The following NFATC3 variants were observed in gnomAD, a reference collection of about 807,000 sequenced individuals.
The protein encoded by NFATC3 is nuclear factor of activated T-cells, cytoplasmic 3.
In NFATC3, 46 loss-of-function variants were observed where a neutral mutation model predicts 98.6. The ratio of observed to expected loss-of-function variants is 0.47; its 90% CI spans 0.37 to 0.60. The LOEUF (loss-of-function observed/expected upper bound fraction) is 0.60, where lower values mean the gene tolerates loss of function less well. Ranked by LOEUF, NFATC3 falls within the 20% of genes least tolerant of loss-of-function variation. The probability of loss-of-function intolerance (pLI) is 0.00; values close to 1 mark genes in which losing one functional copy is unlikely to be tolerated. For missense variants in NFATC3, 1,256 were observed against 1,295.5 expected (o/e 0.97, Z 0.47); for synonymous variants, 512 against 472.2 (o/e 1.08, Z -1.09).
rs1021897922 is a variant in NFATC3, at chr16:68,168,574, C to T, written c.1774+1559C>T. 5.3e-5 allele frequency among the ~76,000 whole-genome samples: 8 copies of T among 152,250 alleles called. No individual in the cohort carries two copies. The South Asian group carries it at 8.3e-4, about 16-fold the overall frequency. On this transcript the variant is annotated intron_variant, in intron 5 of 9. Coordinates refer to ENST00000346183, the MANE Select transcript of NFATC3 (RefSeq NM_173165.3). ...GATCTTGGCTCACTGCAACCTCCAC[C>T]TCCCATGTTCAAGTGATTCTCCTGC...
chr16:68,155,992 T>C (rs1435441863), intron 3 of NFATC3, among the ~76,000 whole-genome samples: 1 of 152,130 alleles, frequency 6.6e-6, no homozygotes, highest in African/African-American at 2.4e-5. Flanking sequence ...TGGAGGACTT[T>C]CATTAGGGCA....
chr16:68,130,757 A>G (rs2037073456), intron 3 of NFATC3, among the ~76,000 whole-genome samples: 1 of 152,028 alleles, frequency 6.6e-6, no homozygotes, highest in Non-Finnish European at 1.5e-5. Context: ...GTTTTCTTCT[A>G]GTAGTTTTTT....
intron 9 of NFATC3, among the ~76,000 whole-genome samples, chr16:68,215,742 T>TTG (rs1333092247): frequency 1.3e-5 from 2 of 148,252 alleles, no homozygotes; most frequent in East Asian, 3.9e-4. Flanking sequence ...TTTTTTTTTT[T>TTG]TTTGAGATGG....
At chr16:68,116,958 T>C (rs2036310438) in intron 1 of NFATC3, among the ~76,000 whole-genome samples, 1 of 152,242 alleles carries the variant, frequency 6.6e-6, no homozygotes, top group Non-Finnish European at 1.5e-5. Context: ...TTCAAGGTGC[T>C]ATATATACCC....
At position 68,157,971 on chromosome 16, in the gene NFATC3, A is replaced by G; in HGVS notation, c.1504A>G (p.Thr502Ala). 1 of 1,614,030 alleles carries G rather than the reference A, an allele frequency of 6.2e-7. No individual in the cohort carries two copies. Among genetic ancestry groups the G allele is most frequent in the Non-Finnish European group, 8.5e-7 (1 of 1,179,948 alleles). Residue 502 changes from threonine to alanine, a missense_variant, in exon 4 of 10, where the codon ACT (threonine) becomes GCT (alanine). Physicochemically the swap from Thr to Ala is moderately conservative, Grantham distance 58 (BLOSUM62 0). Transcript: ENST00000346183. ...TGCATTTTACCAGGTGCATCGAATC[A>G]CTGGGAAGACAGTCGCTACTGCAAG... ...PHAFYQVHRI[T>A]GKTVATASQE...
At chr16:68,151,974 C>T (rs949117700) in intron 3 of NFATC3, among the ~76,000 whole-genome samples, 38 of 150,358 alleles carry the variant, frequency 2.5e-4, no homozygotes, top group Non-Finnish European at 7.4e-5. Context: ...AAGGCTGAGG[C>T]AGGAGAATCA....
intron 8 of NFATC3, among the ~76,000 whole-genome samples, chr16:68,188,441 A>C (rs2040306394): frequency 6.6e-6 from 1 of 152,178 alleles, no homozygotes; most frequent in Non-Finnish European, 1.5e-5. Context: ...CCAATTCAGA[A>C]GGTGGCGGGG....
chr16:68,191,967 G>A (rs2040425895), intron 9 of NFATC3, 192 bp downstream of exon 9: 1 of 587,242 alleles, frequency 1.7e-6, no homozygotes, highest in Non-Finnish European at 2.9e-6. Context: ...CCAGCACTTT[G>A]GAAGGCTGAG....
intron 1 of NFATC3, among the ~76,000 whole-genome samples, chr16:68,112,682 C>T (rs1331690763): frequency 6.7e-4 from 77 of 114,600 alleles, no homozygotes; most frequent in African/African-American, 2.3e-3. Flanking sequence ...GACGGAGTCT[C>T]GCTCTGTCGC....
chr16:68,160,379 C>T (rs1020335548), intron 4 of NFATC3, among the ~76,000 whole-genome samples: 19 of 151,990 alleles, frequency 1.3e-4, no homozygotes, highest in Non-Finnish European at 2.5e-4. Flanking sequence ...GCTTGAGAAT[C>T]GCTTGAATCC....
chr16:68,203,549 C>G (rs2041016261), intron 9 of NFATC3, among the ~76,000 whole-genome samples: 1 of 151,986 alleles, frequency 6.6e-6, no homozygotes, highest in African/African-American at 2.4e-5. Flanking sequence ...GGGAGGATCG[C>G]TGGAGCCTGG....
At chr16:68,148,740 G>A (rs993025948) in intron 3 of NFATC3, among the ~76,000 whole-genome samples, 32 of 152,238 alleles carry the variant, frequency 2.1e-4, no homozygotes, top group Non-Finnish European at 2.2e-4. Context: ...GGGCACGGTG[G>A]TTCACACCTG....
At chr16:68,152,928 T>G (rs2038414565) in intron 3 of NFATC3, among the ~76,000 whole-genome samples, 1 of 152,164 alleles carries the variant, frequency 6.6e-6, no homozygotes, top group Admixed American at 6.5e-5. Context: ...CAGGGCAGTA[T>G]AAATCACAGT....
rs145940352 is a variant in NFATC3 at position 68,124,755 on chromosome 16, G to A, written c.1238+1634G>A. On this transcript the variant is annotated intron_variant, in intron 2 of 9. Coordinates refer to ENST00000346183, the MANE Select transcript of NFATC3 (RefSeq NM_173165.3). ...CCCGGCCTTCTCTTTTTTTTGAGAC[G>A]GAATCTCACTGTCGCCCAGGCTCAA... Among the ~76,000 whole-genome samples, 408 of 147,744 alleles carry A rather than the reference G, an allele frequency of 2.8e-3. 3 individuals are homozygous for A. The highest frequency in any genetic ancestry group is 3.2e-3 in the Non-Finnish European group (215 of 67,108).
intron 8 of NFATC3, among the ~76,000 whole-genome samples, chr16:68,188,091 G>T (rs1437378125): frequency 6.6e-6 from 1 of 152,166 alleles, no homozygotes; most frequent in African/African-American, 2.4e-5. Flanking sequence ...TGTCAGCACT[G>T]CCCCAAGCAT....
intron 4 of NFATC3, among the ~76,000 whole-genome samples, chr16:68,163,005 C>T (rs545871655): frequency 3.5e-4 from 53 of 151,966 alleles, no homozygotes; most frequent in Middle Eastern, 3.4e-3. Context: ...TTGCACCGCC[C>T]TTAATCCATT....
At chr16:68,113,696 T>C (rs2036105546) in intron 1 of NFATC3, among the ~76,000 whole-genome samples, 1 of 152,232 alleles carries the variant, frequency 6.6e-6, no homozygotes, top group Non-Finnish European at 1.5e-5. Context: ...AGCTGAACCA[T>C]GAGACCATGA....
At chr16:68,086,456 G>T (rs892753537) in intron 1 of NFATC3, among the ~76,000 whole-genome samples, 6 of 151,678 alleles carry the variant, frequency 4.0e-5, no homozygotes, top group Non-Finnish European at 7.4e-5. Flanking sequence ...TTTATTTAAA[G>T]AAAAATCTCT....
chr16:68,092,089 G>C (rs2034743005), intron 1 of NFATC3, among the ~76,000 whole-genome samples: 1 of 152,164 alleles, frequency 6.6e-6, no homozygotes, highest in South Asian at 2.1e-4. Context: ...TTAAGTAACA[G>C]CCTATGAATT....
Sources: allele counts gnomAD v4.1 joint callset (sites outside exome capture counted in the v4.1 genomes callset), GRCh38; gene constraint gnomAD v4.1.1; transcripts MANE v1.5; gene names NCBI Gene and HGNC (gene_info 2026-07-23, HGNC 2026-07-21).